The following PXDNL variants were observed in gnomAD, a reference collection of about 807,000 sequenced individuals.
PXDNL encodes probable oxidoreductase PXDNL.
In PXDNL, 145 loss-of-function variants were observed where a neutral mutation model predicts 150.8. The observed-to-expected ratio is 0.96, with a 90% CI of 0.84 to 1.10. The LOEUF is 1.10. Among genes scored for constraint, PXDNL ranks in the 50% least tolerant of loss-of-function variants. The pLI, the probability that PXDNL is intolerant of heterozygous loss-of-function variation, is 0.00. For synonymous variants in PXDNL, 757 were observed against 725.7 expected, an observed-to-expected ratio of 1.04 and a Z score of -0.69; for missense variants, 2,087 against 1,873.9, an observed-to-expected ratio of 1.11 and a Z score of -2.10.
intron 12 of PXDNL, among the ~76,000 whole-genome samples, chr8:51,441,539 G>A (rs1809548368): frequency 6.6e-6 from 1 of 152,188 alleles, no homozygotes; most frequent in South Asian, 2.1e-4. Flanking sequence ...GCATGGCAAT[G>A]TGACATGCTA....
rs1451446047 is a variant in PXDNL at position 51,761,045 on chromosome 8, T to G, written c.164+48136A>C. ...GGCTAATTTTTTTTTTTTTTTTTTTTTGTATTTTTAGTAGAGACGGGGTTT... is the reference window on the plus strand; with the variant it reads ...GGCTAATTTTTTTTTTTTTTTTTTTGTGTATTTTTAGTAGAGACGGGGTTT... On this transcript the variant is annotated intron_variant, in intron 1 of 22. Coordinates refer to ENST00000356297, the MANE Select transcript of PXDNL (RefSeq NM_144651.5). Among the ~76,000 whole-genome samples, 23 of 138,218 alleles carry G rather than the reference T, an allele frequency of 1.7e-4. No homozygotes were observed. The East Asian group carries it at 4.9e-3, about 29-fold the overall frequency. The allele number at this position is 138,218 out of a possible 152,430, so 90.7% of individuals were successfully genotyped here.
intron 18 of PXDNL, among the ~76,000 whole-genome samples, chr8:51,373,938 A>G (rs556179782): frequency 6.6e-6 from 1 of 152,374 alleles, no homozygotes; most frequent in African/African-American, 2.4e-5. Flanking sequence ...GTCTTGGAAC[A>G]GTAAACAGAT....
In PXDNL at chr8:51,374,702, A is replaced by T. The variant is rs968286697; in HGVS notation, c.3587T>A (p.Leu1196His). 2.5e-6 allele frequency: 4 copies of T among 1,613,860 alleles called. No homozygotes were observed. In the African/African-American group the frequency reaches 4.0e-5, roughly 16 times the overall value. ...KLYGSPGDID[L>H]WPALMVEDLI... ...GTCTTCAACCATAAGGGCGGGCCAG[A>T]GGTCAATGTCACCTGGAGAGCCGTA... Residue 1196 changes from leucine to histidine, a missense_variant, in exon 18 of 23, where the codon CTC (leucine) becomes CAC (histidine). Coordinates refer to ENST00000356297, the MANE Select transcript of PXDNL (RefSeq NM_144651.5).
intron 1 of PXDNL, among the ~76,000 whole-genome samples, chr8:51,704,254 T>G (rs1403965304): frequency 3.3e-5 from 5 of 152,256 alleles, no homozygotes; most frequent in African/African-American, 1.2e-4. Context: ...ATGCATATAT[T>G]TTGCAAATTG....
intron 15 of PXDNL, 64 bp downstream of exon 15, chr8:51,413,086 T>C (rs996980609): frequency 5.1e-6 from 5 of 981,682 alleles, no homozygotes; most frequent in Non-Finnish European, 1.6e-6. Context: ...CTTATGGAGA[T>C]GATAAAAACT....
intron 3 of PXDNL, among the ~76,000 whole-genome samples, chr8:51,585,602 G>A (rs930568515): frequency 6.6e-6 from 1 of 152,196 alleles, no homozygotes; most frequent in Non-Finnish European, 1.5e-5. Flanking sequence ...TAGTAGAGTG[G>A]TAGGAATGAA....
At chr8:51,512,340 G>A (rs1811440555) in intron 4 of PXDNL, among the ~76,000 whole-genome samples, 1 of 152,198 alleles carries the variant, frequency 6.6e-6, no homozygotes. Context: ...CGGATGGTGG[G>A]ATTTCTAAGA....
Position 51,666,895 on chromosome 8 carries a change from G to A in PXDNL, c.165-12135C>T, listed in dbSNP as rs180719872. On this transcript the variant is annotated intron_variant, in intron 1 of 22. Transcript: ENST00000356297. ...ATTCTCCCAGTTTAAAATCCTTCCA[G>A]GCATGGCTGTCCATCACCAGCAGAG... 9.9e-4 allele frequency among the ~76,000 whole-genome samples: 150 copies of A among 152,226 alleles called. 1 individual carries two copies. Among genetic ancestry groups the A allele is most frequent in the African/African-American group, 3.4e-3 (140 of 41,514 alleles).
chr8:51,423,366 TTTG>T (rs796869629), intron 14 of PXDNL, among the ~76,000 whole-genome samples: 18 of 152,342 alleles, frequency 1.2e-4, no homozygotes, highest in African/African-American at 4.3e-4. Flanking sequence ...CTTTTTTTAA[TTTG>T]TTATTTTTCA....
At chr8:51,584,577 T>C (rs1219142661) in intron 3 of PXDNL, among the ~76,000 whole-genome samples, 1 of 151,996 alleles carries the variant, frequency 6.6e-6, no homozygotes, top group Non-Finnish European at 1.5e-5. Context: ...ATCATCAGAG[T>C]CATGCAGCGG....
chr8:51,648,109 T>C (rs1009501682), intron 2 of PXDNL, among the ~76,000 whole-genome samples: 1 of 152,204 alleles, frequency 6.6e-6, no homozygotes, highest in Non-Finnish European at 1.5e-5. Context: ...TATGTCACTC[T>C]TACAGTACAA....
At chr8:51,599,424 G>C (rs896938144) in intron 2 of PXDNL, among the ~76,000 whole-genome samples, 8 of 151,242 alleles carry the variant, frequency 5.3e-5, no homozygotes, top group African/African-American at 1.9e-4. Context: ...TTATGTATCT[G>C]TTTTTATTTA....
intron 4 of PXDNL, among the ~76,000 whole-genome samples, chr8:51,502,666 G>T (rs1264465145): frequency 1.4e-5 from 2 of 147,872 alleles, no homozygotes; most frequent in African/African-American, 2.5e-5. Flanking sequence ...CAGTAGAAGT[G>T]TTTTTTTTTT....
intron 1 of PXDNL, among the ~76,000 whole-genome samples, chr8:51,695,323 C>T (rs1439592629): frequency 6.6e-6 from 1 of 152,076 alleles, no homozygotes; most frequent in Admixed American, 6.6e-5. Flanking sequence ...GTTACGTTTA[C>T]CTTCAGCAGA....
rs186470049 is a variant in PXDNL, at chr8:51,509,540, G to A, written c.381-9770C>T. Among the ~76,000 whole-genome samples, 14 of 151,998 alleles carry A rather than the reference G, an allele frequency of 9.2e-5. No individual in the cohort carries two copies. The South Asian group carries it at 1.7e-3, about 18-fold the overall frequency. ...ACTCCTAACTTAGGGTGTTAGCAGC[G>A]GCTGCCTTTCTGCCTGCGCTGTGCC... On this transcript the variant is annotated intron_variant, in intron 4 of 22. Coordinates refer to ENST00000356297, the MANE Select transcript of PXDNL (RefSeq NM_144651.5).
intron 8 of PXDNL, among the ~76,000 whole-genome samples, chr8:51,458,408 T>G (rs1318636723): frequency 7.1e-6 from 1 of 140,284 alleles, no homozygotes; most frequent in Non-Finnish European, 1.5e-5. Flanking sequence ...GTTTACAGAT[T>G]TTTTTTCTGG....
chr8:51,377,423 G>T (rs560761462), intron 17 of PXDNL, among the ~76,000 whole-genome samples: 3 of 152,200 alleles, frequency 2.0e-5, no homozygotes, highest in Non-Finnish European at 2.9e-5. Flanking sequence ...GGCCGTGCTT[G>T]AGGGGCCTTT....
chr8:51,357,363 T>C (rs1806541933), intron 19 of PXDNL, among the ~76,000 whole-genome samples: 1 of 152,212 alleles, frequency 6.6e-6, no homozygotes, highest in Non-Finnish European at 1.5e-5. Flanking sequence ...TCTCTGGTAC[T>C]ACTGATGGCA....
intron 19 of PXDNL, among the ~76,000 whole-genome samples, chr8:51,354,131 T>G (rs1806434482): frequency 6.6e-6 from 1 of 152,138 alleles, no homozygotes. Flanking sequence ...GCAGAGCATA[T>G]ATCCTGTTTA....
Sources: allele counts gnomAD v4.1 joint callset (sites outside exome capture counted in the v4.1 genomes callset), GRCh38; gene constraint gnomAD v4.1.1; transcripts MANE v1.5; gene names NCBI Gene and HGNC (gene_info 2026-07-23, HGNC 2026-07-21).